MAF: variants seen among roughly 807,000 people sequenced by gnomAD.
MAF encodes transcription factor Maf.
A neutral mutation model predicts 22.0 loss-of-function variants in MAF; 10 were observed. That is an observed-to-expected ratio of 0.45 (90% confidence interval 0.28 to 0.77). The LOEUF is 0.77. MAF is among the 30% of genes least tolerant of loss of function. MAF has a pLI of 0.12. For synonymous variants in MAF, 337 were observed against 255.8 expected, an observed-to-expected ratio of 1.32 and a Z score of -3.03; for missense variants, 544 against 548.4, an observed-to-expected ratio of 0.99 and a Z score of 0.08.
At chr16:79,299,347 G>GAAAAAAAAAAAAAA in the MAF span, among the ~76,000 whole-genome samples, 2 of 86,844 alleles carry the variant, frequency 2.3e-5, no homozygotes, top group African/African-American at 4.4e-5. Flanking sequence ...CAAAGAAAAA[G>GAAAAAAAAAAAAAA]AAAAAAAAAA....
the MAF span, among the ~76,000 whole-genome samples, chr16:79,214,134 T>C: frequency 6.6e-6 from 1 of 152,192 alleles, no homozygotes; most frequent in Non-Finnish European, 1.5e-5. Context: ...GTCTTCATGG[T>C]GTCACCCCAT....
chr16:79,398,839 G>T, the MAF span, among the ~76,000 whole-genome samples: 2 of 152,150 alleles, frequency 1.3e-5, no homozygotes. Flanking sequence ...TCTCTCCCCA[G>T]TTGAGCTAGG....
chr16:79,459,599 G>A, the MAF span, among the ~76,000 whole-genome samples: 1 of 151,526 alleles, frequency 6.6e-6, no homozygotes, highest in South Asian at 2.1e-4. Context: ...TAAAGACAGG[G>A]TGTCATTCTA....
In MAF at chr16:79,600,193, G is replaced by C; in HGVS notation, c.-291C>G. On this transcript the variant is annotated 5_prime_UTR_variant, in exon 1 of 2. Coordinates refer to ENST00000326043, the MANE Select transcript of MAF (RefSeq NM_005360.5). ...TCGCCTCCTTGCGCGCCGAGCCGGC[G>C]GCTTCAGGCTCGGGAAGATCCTCCG... 1 of 362,676 alleles carries C rather than the reference G, an allele frequency of 2.8e-6. No individual in the cohort carries two copies. The highest frequency in any genetic ancestry group is 5.0e-6 in the Non-Finnish European group (1 of 200,658). 22.5% of individuals were successfully genotyped at this position (362,676 alleles called of 1,614,324 possible).
chr16:79,263,272 A>G, the MAF span, among the ~76,000 whole-genome samples: 1 of 152,216 alleles, frequency 6.6e-6, no homozygotes, highest in African/African-American at 2.4e-5. Flanking sequence ...GTTAGTCTTC[A>G]TAGTCTTCAA....
chr16:79,551,608 T>G, the MAF span, among the ~76,000 whole-genome samples: 2 of 152,314 alleles, frequency 1.3e-5, no homozygotes, highest in African/African-American at 4.8e-5. Context: ...AACTGTCTTT[T>G]AGGGACCACT....
the MAF span, among the ~76,000 whole-genome samples, chr16:79,395,984 C>T: frequency 4.6e-5 from 7 of 152,204 alleles, no homozygotes; most frequent in Admixed American, 1.3e-4. Flanking sequence ...ATAATTGCCT[C>T]AGTTCCGGCT....
At chr16:79,229,685 G>A in the MAF span, among the ~76,000 whole-genome samples, 7 of 150,520 alleles carry the variant, frequency 4.7e-5, no homozygotes, top group East Asian at 1.4e-3. Context: ...CTTGAGCCAC[G>A]GGGCTGGCTC....
the MAF span, among the ~76,000 whole-genome samples, chr16:79,530,419 T>C: frequency 1.3e-5 from 2 of 152,180 alleles, no homozygotes; most frequent in East Asian, 1.9e-4. Context: ...GATGTAAATA[T>C]TGGGAAGCAG....
the MAF span, among the ~76,000 whole-genome samples, chr16:79,382,205 C>A: frequency 6.6e-6 from 1 of 152,212 alleles, no homozygotes; most frequent in East Asian, 1.9e-4. Context: ...ACAACTCAAT[C>A]ATTTTTCTTC....
the MAF span, among the ~76,000 whole-genome samples, chr16:79,274,157 A>G: frequency 6.6e-6 from 1 of 151,388 alleles, no homozygotes; most frequent in African/African-American, 2.4e-5. Flanking sequence ...ATTTTGCCAT[A>G]TTGGCCAGGC....
At chr16:79,245,786 A>G in the MAF span, among the ~76,000 whole-genome samples, 4 of 152,134 alleles carry the variant, frequency 2.6e-5, no homozygotes, top group Non-Finnish European at 4.4e-5. Flanking sequence ...TATTCACAAT[A>G]GCAAAGACTT....
chr16:79,442,317 G>A, the MAF span, among the ~76,000 whole-genome samples: 2 of 152,084 alleles, frequency 1.3e-5, no homozygotes, highest in African/African-American at 4.8e-5. Flanking sequence ...AAAGATTTTT[G>A]AAGAGCAACA....
the MAF span, among the ~76,000 whole-genome samples, chr16:79,364,412 G>C: frequency 4.6e-5 from 7 of 152,260 alleles, 1 homozygote; most frequent in Admixed American, 4.6e-4. Flanking sequence ...GTCAGAAGGA[G>C]ACACACAGAA....
the MAF span, among the ~76,000 whole-genome samples, chr16:79,383,154 A>G: frequency 0.01 from 1,576 of 151,892 alleles, 18 homozygotes; most frequent in African/African-American, 0.035. Flanking sequence ...CATTTACTTC[A>G]GTCTTGAACC....
chr16:79,415,101 G>C, the MAF span, among the ~76,000 whole-genome samples: 1 of 152,190 alleles, frequency 6.6e-6, no homozygotes. Flanking sequence ...CAGGAAGCGA[G>C]AACTAGAAAT....
At chr16:79,242,976 G>C in the MAF span, among the ~76,000 whole-genome samples, 22,698 of 151,902 alleles carry the variant, frequency 0.15, 2,731 homozygotes, top group African/African-American at 0.32. Context: ...AATGAAGGCA[G>C]AAATAAAGAA....
At chr16:79,370,421 G>A in the MAF span, among the ~76,000 whole-genome samples, 10 of 152,284 alleles carry the variant, frequency 6.6e-5, no homozygotes, top group Non-Finnish European at 8.8e-5. Flanking sequence ...GACTCACAGA[G>A]GTTCTGACTA....
the MAF span, among the ~76,000 whole-genome samples, chr16:79,233,989 C>T: frequency 2.0e-4 from 26 of 127,010 alleles, no homozygotes; most frequent in Non-Finnish European, 3.7e-4. Context: ...GAGACTCCAT[C>T]GCAAAAAAAA....
Sources: gnomAD v4.1 joint callset for allele counts (sites outside exome capture counted in the v4.1 genomes callset) on GRCh38, gnomAD v4.1.1 for gene constraint, MANE v1.5 for transcripts, NCBI Gene and HGNC (gene_info 2026-07-23, HGNC 2026-07-21) for gene names.